MAGI1: variants seen among roughly 807,000 people sequenced by gnomAD.
The protein encoded by MAGI1 is membrane associated guanylate kinase, WW and PDZ domain containing 1.
A neutral mutation model predicts 139.9 loss-of-function variants in MAGI1; 58 were observed. The observed-to-expected ratio is 0.41, with a 90% CI of 0.34 to 0.52. MAGI1 has a LOEUF of 0.52. MAGI1 is among the 20% of genes least tolerant of loss of function. The pLI, the probability that MAGI1 is intolerant of heterozygous loss-of-function variation, is 0.12. For missense variants in MAGI1, 1,874 were observed against 1,901.6 expected, an observed-to-expected ratio of 0.99 and a Z score of 0.27; for synonymous variants, 812 against 737.9, an observed-to-expected ratio of 1.10 and a Z score of -1.63.
At chr3:65,670,505 A>G (rs1441181913) in intron 1 of MAGI1, among the ~76,000 whole-genome samples, 1 of 152,118 alleles carries the variant, frequency 6.6e-6, no homozygotes, top group Admixed American at 6.6e-5. Context: ...CAACCCCAAA[A>G]TAATTATTTA....
chr3:66,027,137 G>A (rs1473346512), intron 1 of MAGI1, among the ~76,000 whole-genome samples: 1 of 151,740 alleles, frequency 6.6e-6, no homozygotes, highest in African/African-American at 2.4e-5. Flanking sequence ...GCGTGGTGGC[G>A]GGTGCCTGTA....
intron 2 of MAGI1, among the ~76,000 whole-genome samples, chr3:65,596,997 C>T (rs2082237304): frequency 6.6e-6 from 1 of 152,152 alleles, no homozygotes; most frequent in African/African-American, 2.4e-5. Context: ...CTAATTTTCC[C>T]CGAGAGCTTA....
intron 1 of MAGI1, among the ~76,000 whole-genome samples, chr3:65,950,094 C>CA (rs869135888): frequency 2.1e-5 from 1 of 47,824 alleles, no homozygotes; most frequent in African/African-American, 1.1e-4. Flanking sequence ...AAAAAACAAA[C>CA]AAAAAAAAAA....
intron 1 of MAGI1, among the ~76,000 whole-genome samples, chr3:65,732,019 T>G (rs150552021): frequency 1.4e-4 from 22 of 152,374 alleles, no homozygotes; most frequent in African/African-American, 4.8e-4. Flanking sequence ...TTAAGTATTA[T>G]GAATATTTTT....
chr3:65,477,452 A>G (rs771322566), intron 4 of MAGI1, among the ~76,000 whole-genome samples: 53 of 152,158 alleles, frequency 3.5e-4, no homozygotes, highest in Non-Finnish European at 7.1e-4. Context: ...GGATAATCTC[A>G]TATGTTGAAA....
chr3:65,458,955 A>T (rs1313782786), intron 5 of MAGI1, among the ~76,000 whole-genome samples: 1 of 152,194 alleles, frequency 6.6e-6, no homozygotes, highest in Non-Finnish European at 1.5e-5. Flanking sequence ...TAAAGCCTTT[A>T]ATCCATTTTG....
chr3:65,678,864 T>C (rs2087376260), intron 1 of MAGI1, among the ~76,000 whole-genome samples: 1 of 152,248 alleles, frequency 6.6e-6, no homozygotes. Context: ...TCTGTGAATT[T>C]TGAAAATCTC....
intron 1 of MAGI1, among the ~76,000 whole-genome samples, chr3:65,946,544 C>A (rs1019566424): frequency 6.6e-6 from 1 of 152,206 alleles, no homozygotes; most frequent in East Asian, 1.9e-4. Flanking sequence ...TGGACGAGAA[C>A]AGCCACCAAG....
At chr3:65,420,618 CA>C (rs1946574415) in intron 12 of MAGI1, among the ~76,000 whole-genome samples, 1 of 152,098 alleles carries the variant, frequency 6.6e-6, no homozygotes, top group African/African-American at 2.4e-5. Flanking sequence ...ATTTGTCCCC[CA>C]AAAAGAGACA....
At chr3:65,633,824 T>C (rs138025551) in intron 1 of MAGI1, among the ~76,000 whole-genome samples, 313 of 152,358 alleles carry the variant, frequency 2.1e-3, no homozygotes, top group African/African-American at 7.0e-3. Flanking sequence ...TGTGAGCTTA[T>C]GGCATGCCCT....
At chr3:65,736,139 T>C (rs959899403) in intron 1 of MAGI1, among the ~76,000 whole-genome samples, 3 of 152,240 alleles carry the variant, frequency 2.0e-5, no homozygotes, top group Admixed American at 2.0e-4. Flanking sequence ...CATTCTCTGT[T>C]ACCATCATTC....
chr3:65,826,330 T>A (rs1156944072), intron 1 of MAGI1, among the ~76,000 whole-genome samples: 2 of 152,218 alleles, frequency 1.3e-5, no homozygotes, highest in African/African-American at 4.8e-5. Context: ...AGCATATGCA[T>A]TTCAATGCCA....
At chr3:65,686,795 T>C (rs1447786491) in intron 1 of MAGI1, among the ~76,000 whole-genome samples, 1 of 152,220 alleles carries the variant, frequency 6.6e-6, no homozygotes, top group Admixed American at 6.5e-5. Flanking sequence ...ATGCACAGTA[T>C]GTTTTTTATA....
At chr3:65,771,314 C>CA (rs59932981) in intron 1 of MAGI1, among the ~76,000 whole-genome samples, 1,664 of 141,116 alleles carry the variant, frequency 0.012, 18 homozygotes, top group African/African-American at 0.037. Context: ...CTCAATGTCT[C>CA]AAAAAAAAAA....
At position 65,354,822 on chromosome 3, in the gene MAGI1, T is replaced by C. The variant is rs1553693721; in HGVS notation, c.*1556A>G. On this transcript the variant is annotated 3_prime_UTR_variant, in exon 23 of 23. Transcript: ENST00000402939. ...AAGGCAACAGTTGTTTTCTTTTTTT[T>C]CCCAACAGGCTCTATTAATTACAAT... is the stretch of plus-strand genomic sequence containing the variant. 6.6e-6 allele frequency: 1 copy of C among 152,524 alleles called. No homozygotes were observed. Among genetic ancestry groups the C allele is most frequent in the Non-Finnish European group, 1.5e-5 (1 of 68,018 alleles). 9.4% of individuals were successfully genotyped at this position (152,524 alleles called of 1,614,324 possible). A position where few individuals can be genotyped will look rare whatever the true frequency, so the allele number is the denominator to read the frequency against.
chr3:65,388,681 C>T (rs1943644798), intron 14 of MAGI1, among the ~76,000 whole-genome samples: 1 of 151,994 alleles, frequency 6.6e-6, no homozygotes, highest in Non-Finnish European at 1.5e-5. Flanking sequence ...GGAAGAAATC[C>T]ATGTGAATGT....
At chr3:65,987,014 G>A (rs185215672) in intron 1 of MAGI1, among the ~76,000 whole-genome samples, 1 of 152,186 alleles carries the variant, frequency 6.6e-6, no homozygotes, top group Admixed American at 6.5e-5. Flanking sequence ...GGGACTACAG[G>A]TATACGCCAC....
At chr3:65,595,700 C>T (rs902182413) in intron 2 of MAGI1, among the ~76,000 whole-genome samples, 3 of 152,008 alleles carry the variant, frequency 2.0e-5, no homozygotes, top group East Asian at 3.9e-4. Flanking sequence ...AATCCAAACA[C>T]CAAACCTCAA....
chr3:65,977,210 C>A (rs2107233301), intron 1 of MAGI1, among the ~76,000 whole-genome samples: 1 of 152,282 alleles, frequency 6.6e-6, no homozygotes, highest in African/African-American at 2.4e-5. Context: ...AATCCTTTGG[C>A]CCCACCACCA....
Sources: gnomAD v4.1 joint callset for allele counts (sites outside exome capture counted in the v4.1 genomes callset) on GRCh38, gnomAD v4.1.1 for gene constraint, MANE v1.5 for transcripts, NCBI Gene and HGNC (gene_info 2026-07-23, HGNC 2026-07-21) for gene names.